Variants in MCM6 observed in about 807,000 individuals in gnomAD.
The protein encoded by MCM6 is minichromosome maintenance complex component 6.
A neutral mutation model predicts 94.3 loss-of-function variants in MCM6; 46 were observed. That is an observed-to-expected ratio of 0.49 (90% confidence interval 0.39 to 0.62). The LOEUF (loss-of-function observed/expected upper bound fraction) is 0.62. MCM6 is among the 20% of genes least tolerant of loss of function. The pLI is 0.00. For synonymous variants in MCM6, 335 were observed against 351.9 expected, an observed-to-expected ratio of 0.95 and a Z score of 0.54; for missense variants, 865 against 1,017.9, an observed-to-expected ratio of 0.85 and a Z score of 2.04.
chr2:135,861,134 G>T (rs1450052152), intron 8 of MCM6, among the ~76,000 whole-genome samples: 2 of 152,076 alleles, frequency 1.3e-5, no homozygotes, highest in Non-Finnish European at 2.9e-5. Context: ...ATGTTCAAAA[G>T]AAATATTTAA....
intron 2 of MCM6, among the ~76,000 whole-genome samples, chr2:135,871,653 TATA>T (rs1680204539): frequency 6.6e-6 from 1 of 152,228 alleles, no homozygotes; most frequent in South Asian, 2.1e-4. Context: ...TTCTATTAAA[TATA>T]ATGTCTAACC....
chr2:135,868,133 G>C (rs951476467), intron 4 of MCM6, among the ~76,000 whole-genome samples: 4 of 152,130 alleles, frequency 2.6e-5, no homozygotes, highest in African/African-American at 9.7e-5. Flanking sequence ...CTCAGCCTAA[G>C]ATTTAGGGAT....
chr2:135,841,430 A>G (rs1679569111), intron 16 of MCM6, among the ~76,000 whole-genome samples: 2 of 151,802 alleles, frequency 1.3e-5, no homozygotes, highest in Non-Finnish European at 2.9e-5. Flanking sequence ...TGAGCTAATA[A>G]AAAAAAAGGT....
intron 3 of MCM6, 148 bp downstream of exon 3, chr2:135,870,101 CTG>C (rs2105591751): frequency 3.7e-6 from 2 of 541,498 alleles, no homozygotes; most frequent in East Asian, 5.5e-5. Context: ...GACAAGGAAA[CTG>C]AGGCTCAGGG....
intron 16 of MCM6, 47 bp from the exon 17 acceptor site, chr2:135,840,998 C>A (rs766372135): frequency 3.7e-6 from 5 of 1,349,308 alleles, no homozygotes; most frequent in Non-Finnish European, 5.3e-6. Flanking sequence ...AGTATTATAC[C>A]AATGTCCAGA....
At chr2:135,869,247 A>C (rs1016791318) in intron 3 of MCM6, among the ~76,000 whole-genome samples, 2 of 152,076 alleles carry the variant, frequency 1.3e-5, no homozygotes, top group African/African-American at 2.4e-5. Context: ...CTAAAAATAC[A>C]AAAACTAGCC....
At position 135,859,655 on chromosome 2, in the gene MCM6, T is replaced by G. The variant is rs568064781; in HGVS notation, c.1221-213A>C. 5.9e-5 allele frequency among the ~76,000 whole-genome samples: 9 copies of G among 151,464 alleles called. 1 individual carries two copies. The South Asian group carries it at 1.9e-3, about 32-fold the overall frequency. The stretch of plus-strand genomic sequence containing the variant: ...GTCTCGCTCTGTCACCAGACTGGAG[T>G]GCAGTGTCACAATCTCAGCTCACTG... On this transcript the variant is annotated intron_variant, in intron 8 of 16. Transcript: ENST00000264156.
At chr2:135,853,035 T>C in intron 11 of MCM6, 120 bp from the exon 12 acceptor site, 1 of 776,666 alleles carries the variant, frequency 1.3e-6, no homozygotes, top group Non-Finnish European at 2.0e-6. Context: ...TAAAGAAGTA[T>C]TAATGGGTAC....
chr2:135,870,476 G>A (rs1680179985), intron 2 of MCM6, 115 bp from the exon 3 acceptor site: 1 of 711,900 alleles, frequency 1.4e-6, no homozygotes, highest in Non-Finnish European at 2.5e-6. Flanking sequence ...CTAAACCTTA[G>A]AACTTAACTG....
At chr2:135,860,491 A>G (rs1393782446) in intron 8 of MCM6, among the ~76,000 whole-genome samples, 1 of 152,238 alleles carries the variant, frequency 6.6e-6, no homozygotes, top group Non-Finnish European at 1.5e-5. Flanking sequence ...ATCATCTATC[A>G]GAAGGTCTTG....
chr2:135,873,612 A>C (rs1234898890), intron 1 of MCM6, among the ~76,000 whole-genome samples: 1 of 152,250 alleles, frequency 6.6e-6, no homozygotes, highest in African/African-American at 2.4e-5. Context: ...CATATACAGC[A>C]TGTTCTGACT....
chr2:135,875,765 G>A (rs1231399493), intron 1 of MCM6, among the ~76,000 whole-genome samples: 1 of 152,224 alleles, frequency 6.6e-6, no homozygotes, highest in African/African-American at 2.4e-5. Context: ...AACCACAGTT[G>A]ACGCAGAAAC....
chr2:135,852,777 G>T lies in MCM6; in HGVS notation c.1755+10C>A. On this transcript the variant is annotated intron_variant, in intron 12 of 16. Coordinates refer to ENST00000264156, the MANE Select transcript of MCM6 (RefSeq NM_005915.6). ...ATTATACCTTATCCCAGTACAAAAG[G>T]GTAGGTTACCTTGGGTTTAAACTGT... 6.4e-7 allele frequency: 1 copy of T among 1,563,588 alleles called. No homozygotes were observed. Among genetic ancestry groups the T allele is most frequent in the African/African-American group, 1.4e-5 (1 of 72,580 alleles).
chr2:135,858,116 G>T lies in MCM6; in HGVS notation c.1363-112C>A, dbSNP rs531795785. On this transcript the variant is annotated intron_variant, in intron 9 of 16. Coordinates refer to ENST00000264156, the MANE Select transcript of MCM6 (RefSeq NM_005915.6). ...AAGGCAGGAAGAACGCTTCACTAAG[G>T]CCGGGCATTTGAGGTTACAGTGAGC... 22 of 923,514 alleles carry T rather than the reference G, an allele frequency of 2.4e-5. No homozygotes were observed. In the Admixed American group the frequency reaches 3.7e-4, roughly 16 times the overall value. 57.2% of individuals were successfully genotyped at this position (923,514 alleles called of 1,614,324 possible).
intron 11 of MCM6, 100 bp downstream of exon 11, chr2:135,856,628 T>C (rs941770393): frequency 3.3e-6 from 4 of 1,228,808 alleles, no homozygotes; most frequent in Non-Finnish European, 4.5e-6. Flanking sequence ...AATCAAAGGC[T>C]GGTGCACATA....
chr2:135,875,983 G>A (rs1210381474), intron 1 of MCM6, among the ~76,000 whole-genome samples: 1 of 152,248 alleles, frequency 6.6e-6, no homozygotes, highest in Non-Finnish European at 1.5e-5. Context: ...TACCAGGCTC[G>A]CGGGGTGGTG....
chr2:135,865,039 C>T lies in MCM6; in HGVS notation c.1052G>A (p.Cys351Tyr). ...ATGTATAGTAGGGAACAGGCTGGTACAAAGATTGTGGTATAGATTTTTATC... is the reference window on the plus strand; with the variant it reads ...ATGTATAGTAGGGAACAGGCTGGTATAAAGATTGTGGTATAGATTTTTATC... ...SQDKNLYHNL[C>Y]TSLFPTIHGN... is the part of the protein sequence containing the mutation. The change falls in exon 7 of 17, where the codon TGT becomes TAT. Residue 351 changes from cysteine (C) to tyrosine (Y), a missense_variant. Transcript: ENST00000264156. 6.6e-7 allele frequency: 1 copy of T among 1,520,500 alleles called. No individual in the cohort carries two copies. The allele number at this position is 1,520,500 out of a possible 1,614,324, so 94.2% of individuals were successfully genotyped here. A position where few individuals can be genotyped will look rare whatever the true frequency, so the allele number is the denominator to read the frequency against.
chr2:135,849,986 T>C (rs1462902706), intron 13 of MCM6, among the ~76,000 whole-genome samples: 4 of 152,158 alleles, frequency 2.6e-5, no homozygotes, highest in Non-Finnish European at 4.4e-5. Context: ...TTTAATATCA[T>C]GTGAATCTGC....
intron 11 of MCM6, among the ~76,000 whole-genome samples, chr2:135,855,813 C>G (rs566693300): frequency 6.6e-6 from 1 of 152,244 alleles, no homozygotes; most frequent in South Asian, 2.1e-4. Context: ...TTAAAAAGTA[C>G]AGCCTAAAAT....
Sources: allele counts gnomAD v4.1 joint callset (sites outside exome capture counted in the v4.1 genomes callset), GRCh38; gene constraint gnomAD v4.1.1; transcripts MANE v1.5; gene names NCBI Gene and HGNC (gene_info 2026-07-23, HGNC 2026-07-21).